Variants in ARHGAP22 observed in about 807,000 individuals in gnomAD.
ARHGAP22 encodes the protein rho GTPase-activating protein 22.
A neutral mutation model predicts 59.1 loss-of-function variants in ARHGAP22; 48 were observed. That is an observed-to-expected ratio of 0.81 (90% CI 0.64 to 1.03). The LOEUF (loss-of-function observed/expected upper bound fraction) is 1.03. Ranked by LOEUF, ARHGAP22 falls within the 50% of genes least tolerant of loss-of-function variation. ARHGAP22 has a pLI of 0.00. For missense variants in ARHGAP22, 1,015 were observed against 958.7 expected (o/e 1.06, Z -0.78); for synonymous variants, 445 against 416.4 (o/e 1.07, Z -0.84).
rs1236750037 is a variant in ARHGAP22 at position 48,450,582 on chromosome 10, G to T, written c.1547C>A (p.Ser516Ter). 6.5e-7 allele frequency: 1 copy of T among 1,539,548 alleles called. No individual in the cohort carries two copies. The highest frequency in any genetic ancestry group is 2.4e-5 in the East Asian group (1 of 40,844). The change falls in exon 9 of 10, where the codon TCG (serine) becomes TAG (stop). Residue 516 changes from serine (S) to a stop codon, truncating the protein, a stop_gained. Coordinates refer to ENST00000249601, the MANE Select transcript of ARHGAP22 (RefSeq NM_021226.4). LOFTEE classifies it high-confidence loss of function. ...GCCCCCCACCGACGACTCGCTGGACGAGGCCCCGGACCACGCCATACTGGC... is the reference window on the plus strand; with the variant it reads ...GCCCCCCACCGACGACTCGCTGGACTAGGCCCCGGACCACGCCATACTGGC... ...SVASMAWSGA[S>*]SSESSVGGSL...
Position 48,446,195 on chromosome 10 carries a change from G to A in ARHGAP22, c.*196C>T. On this transcript the variant is annotated 3_prime_UTR_variant, in exon 10 of 10. Coordinates refer to ENST00000249601, the MANE Select transcript of ARHGAP22 (RefSeq NM_021226.4). Reference sequence around the variant, plus strand: ...TTCTGACCCTCACCAGGAACTGCATGGTTGGAGCAGCATCTGATCCCACCT... The same window carrying A: ...TTCTGACCCTCACCAGGAACTGCATAGTTGGAGCAGCATCTGATCCCACCT... 1 of 613,904 alleles carries A rather than the reference G, an allele frequency of 1.6e-6. No individual in the cohort carries two copies. The highest frequency in any genetic ancestry group is 2.9e-6 in the Non-Finnish European group (1 of 349,886). The allele number at this position is 613,904 out of a possible 1,614,324, so 38.0% of individuals were successfully genotyped here. A position where few individuals can be genotyped will look rare whatever the true frequency, so the allele number is the denominator to read the frequency against.
At chr10:48,568,363 C>A (rs373738961) in intron 2 of ARHGAP22, among the ~76,000 whole-genome samples, 2 of 152,228 alleles carry the variant, frequency 1.3e-5, no homozygotes, top group Non-Finnish European at 2.9e-5. Flanking sequence ...AGTTTGCAAA[C>A]GACCCTGCTT....
intron 4 of ARHGAP22, among the ~76,000 whole-genome samples, chr10:48,464,801 G>C (rs999403852): frequency 1.3e-5 from 2 of 152,126 alleles, no homozygotes; most frequent in South Asian, 2.1e-4. Flanking sequence ...GATCACACCT[G>C]TCTTTAGGGG....
intron 5 of ARHGAP22, 75 bp from the exon 6 acceptor site, chr10:48,455,209 C>A: frequency 1.4e-6 from 2 of 1,452,650 alleles, no homozygotes; most frequent in South Asian, 1.5e-5. Flanking sequence ...TACGCCCTGA[C>A]GCCAAGGGGC....
chr10:48,651,628 C>T (rs1207001831), intron 1 of ARHGAP22, among the ~76,000 whole-genome samples: 1 of 152,096 alleles, frequency 6.6e-6, no homozygotes, highest in African/African-American at 2.4e-5. Flanking sequence ...CCATCACCTG[C>T]ACAATCCACC....
intron 3 of ARHGAP22, among the ~76,000 whole-genome samples, chr10:48,548,235 A>C (rs979827468): frequency 1.3e-5 from 2 of 151,720 alleles, no homozygotes; most frequent in East Asian, 3.9e-4. Context: ...CACAAGTGTC[A>C]CTCCCATCAC....
intron 3 of ARHGAP22, among the ~76,000 whole-genome samples, chr10:48,535,055 T>G (rs2135015117): frequency 6.6e-6 from 1 of 152,338 alleles, no homozygotes; most frequent in African/African-American, 2.4e-5. Context: ...TAACTAGTGC[T>G]CCTTGCACTG....
At chr10:48,576,176 C>A (rs2058701821) in intron 2 of ARHGAP22, among the ~76,000 whole-genome samples, 1 of 152,180 alleles carries the variant, frequency 6.6e-6, no homozygotes, top group Admixed American at 6.5e-5. Flanking sequence ...TGGGTGTGGA[C>A]TGCCAGACAC....
At chr10:48,531,449 G>A (rs1010226047) in intron 3 of ARHGAP22, among the ~76,000 whole-genome samples, 4 of 152,128 alleles carry the variant, frequency 2.6e-5, no homozygotes, top group African/African-American at 9.7e-5. Context: ...GAAAATATGT[G>A]TTGTTTTAAG....
intron 3 of ARHGAP22, among the ~76,000 whole-genome samples, chr10:48,536,097 C>T (rs1050823262): frequency 3.2e-4 from 48 of 152,190 alleles, no homozygotes; most frequent in African/African-American, 1.0e-3. Flanking sequence ...CCTTGTTCCT[C>T]GGGGTTTTGC....
chr10:48,622,160 A>C (rs2061306976), intron 1 of ARHGAP22, among the ~76,000 whole-genome samples: 1 of 152,218 alleles, frequency 6.6e-6, no homozygotes, highest in Non-Finnish European at 1.5e-5. Flanking sequence ...CTGTTAAGGA[A>C]GGACTTACTT....
Position 48,455,148 on chromosome 10 carries a change from G to A in ARHGAP22, c.660-14C>T. On this transcript the variant is annotated splice_polypyrimidine_tract_variant and intron_variant, in intron 5 of 9. Transcript: ENST00000249601. ...ACGTCTGTTGTGCTGTGGGGGGGAA[G>A]AGGACAGGTGTGTGAGGCCTGGGAT... 6.3e-7 allele frequency: 1 copy of A among 1,594,882 alleles called. No individual in the cohort carries two copies. The highest frequency in any genetic ancestry group is 8.6e-7 in the Non-Finnish European group (1 of 1,167,798).
chr10:48,509,764 G>A lies in ARHGAP22; in HGVS notation c.323-30000C>T, dbSNP rs561977293. 9.1e-4 allele frequency among the ~76,000 whole-genome samples: 139 copies of A among 152,288 alleles called. 1 individual carries two copies. The highest frequency in any genetic ancestry group is 3.0e-3 in the African/African-American group (126 of 41,566). ...GAGGGGGCCGTGACATCCTTTCAGT[G>A]CCTGCTACTCCGGATTTCCAGGGAC... On this transcript the variant is annotated intron_variant, in intron 3 of 9. Transcript: ENST00000249601.
chr10:48,555,601 G>A, intron 2 of ARHGAP22, 51 bp from the exon 3 acceptor site: 1 of 1,569,996 alleles, frequency 6.4e-7, no homozygotes. Flanking sequence ...ATGGGGAGGG[G>A]ACTGCTGTCG....
At position 48,450,613 on chromosome 10, in the gene ARHGAP22, T is replaced by G. The variant is rs773275491; in HGVS notation, c.1516A>C (p.Ser506Arg). ...CCGGACCACGCCATACTGGCCACGC[T>G]GGGTATGCCGGGGACCAGGCCCGGC... ...PAPGLVPGIP[S>R]VASMAWSGAS... The change falls in exon 9 of 10, where the codon AGC becomes CGC. Residue 506 changes from serine (S) to arginine (R), a missense_variant. Coordinates refer to ENST00000249601, the MANE Select transcript of ARHGAP22 (RefSeq NM_021226.4). 1.9e-6 allele frequency: 3 copies of G among 1,548,418 alleles called. No individual in the cohort carries two copies. In the South Asian group the frequency reaches 3.6e-5, roughly 18 times the overall value.
At chr10:48,488,257 T>C (rs1432263470) in intron 3 of ARHGAP22, among the ~76,000 whole-genome samples, 1 of 152,260 alleles carries the variant, frequency 6.6e-6, no homozygotes. Context: ...ATAACTTTCA[T>C]GTGTCTACTT....
intron 1 of ARHGAP22, among the ~76,000 whole-genome samples, chr10:48,618,078 TA>T (rs2061151461): frequency 6.6e-6 from 1 of 151,660 alleles, no homozygotes; most frequent in Non-Finnish European, 1.5e-5. Flanking sequence ...CAAATGAAAA[TA>T]AATAAATTAT....
intron 3 of ARHGAP22, among the ~76,000 whole-genome samples, chr10:48,503,048 C>T (rs1263688629): frequency 3.3e-5 from 5 of 152,224 alleles, no homozygotes; most frequent in African/African-American, 7.2e-5. Context: ...GAGGCCCCCT[C>T]GTCTCCTGAC....
At chr10:48,523,629 G>A (rs893411037) in intron 3 of ARHGAP22, among the ~76,000 whole-genome samples, 3 of 152,224 alleles carry the variant, frequency 2.0e-5, no homozygotes, top group African/African-American at 4.8e-5. Context: ...TTAAGCCGCA[G>A]GGGCGGCGCA....
Sources: gnomAD v4.1 joint callset for allele counts (sites outside exome capture counted in the v4.1 genomes callset) on GRCh38, gnomAD v4.1.1 for gene constraint, MANE v1.5 for transcripts, NCBI Gene and HGNC (gene_info 2026-07-23, HGNC 2026-07-21) for gene names.